STPG2: variants seen among roughly 807,000 people sequenced by gnomAD.
STPG2 encodes sperm-tail PG-rich repeat-containing protein 2.
STPG2 carries 56 observed loss-of-function variants against 54.2 expected under a neutral mutation model. The ratio of observed to expected loss-of-function variants is 1.03; its 90% CI spans 0.83 to 1.29. The LOEUF (loss-of-function observed/expected upper bound fraction) is 1.29, where lower values mean the gene tolerates loss of function less well. Ranked by LOEUF, STPG2 falls within the 50% of genes most tolerant of loss-of-function variation. The probability of loss-of-function intolerance (pLI) is 0.00; values close to 1 mark genes in which losing one functional copy is unlikely to be tolerated. For synonymous variants in STPG2, 200 were observed against 181.8 expected (o/e 1.10, Z -0.81); for missense variants, 596 against 544.9 (o/e 1.09, Z -0.93).
At chr4:97,871,776 A>C (rs1449464884) in intron 8 of STPG2, among the ~76,000 whole-genome samples, 2 of 151,160 alleles carry the variant, frequency 1.3e-5, no homozygotes, top group Non-Finnish European at 1.5e-5. Flanking sequence ...TGAAGAACAA[A>C]CTTCCAAATT....
At chr4:97,730,059 T>C (rs775572647) in intron 9 of STPG2, among the ~76,000 whole-genome samples, 1 of 152,228 alleles carries the variant, frequency 6.6e-6, no homozygotes, top group East Asian at 1.9e-4. Context: ...CATGGATATG[T>C]TGTGTGATGC....
intron 4 of STPG2, among the ~76,000 whole-genome samples, chr4:97,480,301 C>A (rs1159932385): frequency 6.6e-6 from 1 of 151,538 alleles, no homozygotes; most frequent in African/African-American, 2.4e-5. Flanking sequence ...ATTTAAAAGT[C>A]TTTCCGGTTT....
At chr4:97,561,095 C>T (rs1732222950) in intron 10 of STPG2, among the ~76,000 whole-genome samples, 1 of 152,090 alleles carries the variant, frequency 6.6e-6, no homozygotes, top group African/African-American at 2.4e-5. Flanking sequence ...TATTTCTCCA[C>T]ATCCTCTCCA....
chr4:97,796,987 C>G (rs1229168610), intron 9 of STPG2, among the ~76,000 whole-genome samples: 1 of 151,746 alleles, frequency 6.6e-6, no homozygotes, highest in East Asian at 1.9e-4. Context: ...CATGATTTGG[C>G]TCTCTGTTAT....
At chr4:97,956,246 T>C (rs750654443) in intron 7 of STPG2, among the ~76,000 whole-genome samples, 3 of 152,168 alleles carry the variant, frequency 2.0e-5, no homozygotes, top group Non-Finnish European at 4.4e-5. Context: ...CATGAATGCT[T>C]ATTGTAATTT....
At position 97,818,785 on chromosome 4, in the gene STPG2, C is replaced by T. The variant is rs370778727; in HGVS notation, c.1204+21988G>A. Reference sequence around the variant, plus strand: ...CCCAGTCTTCAGTTCTTTAGAAGTACTCAAAAAGTGAATTACTTTATTCTA... The same window carrying T: ...CCCAGTCTTCAGTTCTTTAGAAGTATTCAAAAAGTGAATTACTTTATTCTA... On this transcript the variant is annotated intron_variant, in intron 9 of 10. Coordinates refer to ENST00000295268, the MANE Select transcript of STPG2 (RefSeq NM_174952.3). Among the ~76,000 whole-genome samples, 30 of 151,650 alleles carry T rather than the reference C, an allele frequency of 2.0e-4. No individual in the cohort carries two copies. The East Asian group carries it at 5.2e-3, about 26-fold the overall frequency.
chr4:97,782,293 CAGAG>C (rs1726663902), intron 9 of STPG2, among the ~76,000 whole-genome samples: 1 of 152,138 alleles, frequency 6.6e-6, no homozygotes, highest in Non-Finnish European at 1.5e-5. Flanking sequence ...CAATAACAGA[CAGAG>C]AGCCATATCA....
At chr4:97,804,360 T>C (rs1727488489) in intron 9 of STPG2, among the ~76,000 whole-genome samples, 1 of 152,148 alleles carries the variant, frequency 6.6e-6, no homozygotes, top group South Asian at 2.1e-4. Flanking sequence ...AGTGACATAC[T>C]GATTATCCTG....
chr4:98,095,453 C>T (rs1286787638), intron 5 of STPG2, among the ~76,000 whole-genome samples: 1 of 151,992 alleles, frequency 6.6e-6, no homozygotes, highest in African/African-American at 2.4e-5. Context: ...TGCACAGAGA[C>T]TGAAAGTAAA....
chr4:98,063,090 T>C (rs2110100534), intron 5 of STPG2, among the ~76,000 whole-genome samples: 1 of 152,252 alleles, frequency 6.6e-6, no homozygotes, highest in East Asian at 1.9e-4. Flanking sequence ...ACAAAGTTTC[T>C]TTTTAATATC....
chr4:97,876,804 A>C (rs1730187469), intron 8 of STPG2, among the ~76,000 whole-genome samples: 1 of 152,046 alleles, frequency 6.6e-6, no homozygotes, highest in East Asian at 1.9e-4. Context: ...GAGAATTTTG[A>C]ATATATTTAT....
intron 8 of STPG2, among the ~76,000 whole-genome samples, chr4:97,911,900 A>T (rs747119088): frequency 6.6e-6 from 1 of 152,086 alleles, no homozygotes; most frequent in Non-Finnish European, 1.5e-5. Flanking sequence ...ACCTCCAACA[A>T]GAGTCTCCAG....
intron 4 of STPG2, among the ~76,000 whole-genome samples, chr4:97,513,003 C>T (rs1327863292): frequency 6.6e-6 from 1 of 152,082 alleles, no homozygotes; most frequent in East Asian, 1.9e-4. Context: ...ACTGCCCCTA[C>T]TTCAGATGCT....
chr4:97,952,475 T>C (rs773162418), intron 7 of STPG2, among the ~76,000 whole-genome samples: 10 of 152,150 alleles, frequency 6.6e-5, no homozygotes, highest in Non-Finnish European at 1.5e-4. Context: ...CCCCTTAATG[T>C]GGCATACTTT....
At chr4:97,868,209 A>G (rs530914020) in intron 8 of STPG2, among the ~76,000 whole-genome samples, 2 of 151,944 alleles carry the variant, frequency 1.3e-5, no homozygotes, top group South Asian at 4.1e-4. Flanking sequence ...AAATATTTGC[A>G]TAGTTTTTAT....
At chr4:97,459,730 C>A (rs1422683097) in intron 4 of STPG2, among the ~76,000 whole-genome samples, 1 of 152,070 alleles carries the variant, frequency 6.6e-6, no homozygotes, top group African/African-American at 2.4e-5. Context: ...CGTGAGCCAC[C>A]GTGCCCGGCC....
At position 98,130,879 on chromosome 4, in the gene STPG2, G is replaced by T. The variant is rs1308313093; in HGVS notation, c.223-2287C>A. On this transcript the variant is annotated intron_variant, in intron 2 of 10. Coordinates refer to ENST00000295268, the MANE Select transcript of STPG2 (RefSeq NM_174952.3). ...GGAGCTTGCAGTGAGCCGAGATCAC[G>T]CCACTGCACTCCAGCCTGGGAGACA... Among the ~76,000 whole-genome samples the T allele has an allele frequency of 1.8e-4, 23 of 128,070 alleles. No individual in the cohort carries two copies. The Admixed American group carries it at 2.1e-3, about 12-fold the overall frequency. 84.0% of individuals were successfully genotyped at this position (128,070 alleles called of 152,430 possible). A position where few individuals can be genotyped will look rare whatever the true frequency, so the allele number is the denominator to read the frequency against.
rs865793927 is a variant in STPG2 at position 98,019,855 on chromosome 4, T to A, written c.613-38537A>T. Among the ~76,000 whole-genome samples the A allele has an allele frequency of 2.8e-5, 3 of 105,880 alleles. 1 individual carries two copies. The highest frequency in any genetic ancestry group is 6.2e-5 in the Non-Finnish European group (3 of 48,746). 69.5% of individuals were successfully genotyped at this position (105,880 alleles called of 152,430 possible). Reference sequence around the variant, plus strand: ...GTGTATAAGAATGTTTGTGATTTTTTTACATTGATTTTGTATCCTGAGACT... The same window carrying A: ...GTGTATAAGAATGTTTGTGATTTTTATACATTGATTTTGTATCCTGAGACT... On this transcript the variant is annotated intron_variant, in intron 5 of 10. Transcript: ENST00000295268.
chr4:97,592,826 C>A lies in STPG2; in HGVS notation c.1321-33709G>T, dbSNP rs139797442. On this transcript the variant is annotated intron_variant, in intron 10 of 10. Coordinates refer to ENST00000295268, the MANE Select transcript of STPG2 (RefSeq NM_174952.3). Reference sequence around the variant, plus strand: ...CACTGGAATCCTGGCAGCTGGAGACCCCACAACCCCCAAGGGCACTTGAGG... The same window carrying A: ...CACTGGAATCCTGGCAGCTGGAGACACCACAACCCCCAAGGGCACTTGAGG... Among the ~76,000 whole-genome samples, 10 of 152,118 alleles carry A rather than the reference C, an allele frequency of 6.6e-5. No individual in the cohort carries two copies. In the East Asian group the frequency reaches 1.9e-3, roughly 30 times the overall value.
Sources: allele counts gnomAD v4.1 joint callset (sites outside exome capture counted in the v4.1 genomes callset), GRCh38; gene constraint gnomAD v4.1.1; transcripts MANE v1.5; gene names NCBI Gene and HGNC (gene_info 2026-07-23, HGNC 2026-07-21).